PPP2R2D: variants seen among roughly 807,000 people sequenced by gnomAD.
PPP2R2D encodes the protein serine/threonine-protein phosphatase 2A 55 kDa regulatory subunit B delta isoform.
A neutral mutation model predicts 31.1 loss-of-function variants in PPP2R2D; 9 were observed. The ratio of observed to expected loss-of-function variants is 0.29; its 90% CI spans 0.17 to 0.51. The LOEUF (loss-of-function observed/expected upper bound fraction) is 0.51. Ranked by LOEUF, PPP2R2D falls within the 20% of genes least tolerant of loss-of-function variation. The pLI is 0.98. For synonymous variants in PPP2R2D, 179 were observed against 172.6 expected (o/e 1.04, Z -0.29); for missense variants, 391 against 465.6 (o/e 0.84, Z 1.48).
downstream of PPP2R2D, among the ~76,000 whole-genome samples, chr10:131,964,664 ATGTTTTT>A (rs2036957522): frequency 7.9e-6 from 1 of 126,752 alleles, no homozygotes; most frequent in South Asian, 2.5e-4. Flanking sequence ...AGAGTTTACT[ATGTTTTT>A]TTTTTTTTTT....
At chr10:131,936,974 G>A (rs1410301847) in intron 3 of PPP2R2D, among the ~76,000 whole-genome samples, 2 of 152,248 alleles carry the variant, frequency 1.3e-5, no homozygotes, top group African/African-American at 4.8e-5. Context: ...ATCCATGGCC[G>A]GAGGCCGCGG....
chr10:131,962,187 C>T (rs1041127385), downstream of PPP2R2D, among the ~76,000 whole-genome samples: 1 of 152,200 alleles, frequency 6.6e-6, no homozygotes, highest in Non-Finnish European at 1.5e-5. Context: ...GACACCAAAT[C>T]GAGCAGCGGG....
chr10:131,902,358 G>GC (rs1300508076), intron 2 of PPP2R2D, among the ~76,000 whole-genome samples: 23 of 151,768 alleles, frequency 1.5e-4, no homozygotes, highest in Admixed American at 1.1e-3. Flanking sequence ...CTCCATCTCG[G>GC]CCCCCCCAAC....
intron 8 of PPP2R2D, among the ~76,000 whole-genome samples, chr10:131,949,238 C>T (rs148034554): frequency 1.3e-5 from 2 of 152,262 alleles, no homozygotes; most frequent in Admixed American, 6.5e-5. Flanking sequence ...CACTTGAGGC[C>T]GTGGCTGATG....
intron 2 of PPP2R2D, among the ~76,000 whole-genome samples, chr10:131,924,593 G>T (rs372470173): frequency 4.0e-5 from 6 of 151,866 alleles, no homozygotes; most frequent in African/African-American, 1.5e-4. Flanking sequence ...TTTGAAATCA[G>T]GAAGTGTCAG....
intron 5 of PPP2R2D, 21 bp from the exon 6 acceptor site, chr10:131,943,946 TC>T (rs1327356619): frequency 1.3e-6 from 1 of 797,018 alleles, no homozygotes; most frequent in Non-Finnish European, 2.3e-6. Flanking sequence ...TGTTTTGAAT[TC>T]CTATTTCCTT....
intron 5 of PPP2R2D, among the ~76,000 whole-genome samples, chr10:131,942,922 A>G (rs1354400393): frequency 1.3e-5 from 2 of 152,162 alleles, no homozygotes; most frequent in East Asian, 3.9e-4. Flanking sequence ...AAATGAGGGA[A>G]GCCTCCCTAC....
chr10:131,929,205 G>T (rs917445736), intron 2 of PPP2R2D, among the ~76,000 whole-genome samples: 1 of 152,158 alleles, frequency 6.6e-6, no homozygotes, highest in East Asian at 1.9e-4. Flanking sequence ...CTGCTCAGGC[G>T]CCCCCTCCTG....
intron 8 of PPP2R2D, among the ~76,000 whole-genome samples, chr10:131,954,750 A>G (rs1554899645): frequency 6.6e-6 from 1 of 151,662 alleles, no homozygotes; most frequent in African/African-American, 2.4e-5. Flanking sequence ...CTTCTTTCTC[A>G]TGGCACCTTG....
At chr10:131,911,803 G>A (rs972078361) in intron 2 of PPP2R2D, 28 of 152,336 alleles carry the variant, frequency 1.8e-4, no homozygotes, top group Non-Finnish European at 3.5e-4. Context: ...CAAGCTATTA[G>A]CAGTAGGAGT....
chr10:131,921,079 A>C (rs2035977206), intron 2 of PPP2R2D, among the ~76,000 whole-genome samples: 1 of 152,186 alleles, frequency 6.6e-6, no homozygotes, highest in South Asian at 2.1e-4. Flanking sequence ...ATCATTTCCT[A>C]AAGTTTGAGA....
Position 131,947,685 on chromosome 10 carries a change from G to A in PPP2R2D, c.976G>A (p.Val326Met). 1 of 1,614,228 alleles carries A rather than the reference G, an allele frequency of 6.2e-7. No homozygotes were observed. Among genetic ancestry groups the A allele is most frequent in the Non-Finnish European group, 8.5e-7 (1 of 1,180,036 alleles). ...VWDLNMESRP[V>M]ETHQVHEYLR... is the part of the protein sequence containing the mutation. ...GGACCTCAACATGGAGAGCAGGCCG[G>A]TGGAGACCCACCAGGTCCACGAGTA... Residue 326 changes from valine (V) to methionine (M), a missense_variant, in exon 8 of 9, where the codon GTG becomes ATG. This residue lies in a region of PPP2R2D where 163 missense variants were observed against 179.5 expected (regional missense o/e 0.91). Transcript: ENST00000455566. This position sits in a 1 kb window ranked among gnomAD's most constrained non-coding sequence, Gnocchi z 4.3.
intron 3 of PPP2R2D, 43 bp from the exon 4 acceptor site, chr10:131,939,988 A>G (rs782413386): frequency 3.5e-6 from 2 of 576,326 alleles, no homozygotes; most frequent in Non-Finnish European, 6.4e-6. Flanking sequence ...TTTTCTCTAC[A>G]CTGTGCTTTG....
the PPP2R2D span, chr10:131,967,174 C>CT: frequency 6.6e-6 from 1 of 152,288 alleles, no homozygotes; most frequent in Non-Finnish European, 1.5e-5. Flanking sequence ...TGTGCCCGGC[C>CT]ATACAGGTGG....
chr10:131,934,755 C>CT, intron 3 of PPP2R2D, 200 bp downstream of exon 3: 2 of 591,302 alleles, frequency 3.4e-6, no homozygotes, highest in Non-Finnish European at 6.3e-6. Flanking sequence ...TCTCCAAGGC[C>CT]TTTGTCTTCA....
At chr10:131,916,197 G>A (rs1554893025) in intron 2 of PPP2R2D, among the ~76,000 whole-genome samples, 1 of 152,176 alleles carries the variant, frequency 6.6e-6, no homozygotes, top group African/African-American at 2.4e-5. Flanking sequence ...GGCTGTGGTG[G>A]AGGCGCACAC....
At chr10:131,907,673 G>C (rs1417134689) in intron 2 of PPP2R2D, among the ~76,000 whole-genome samples, 1 of 151,870 alleles carries the variant, frequency 6.6e-6, no homozygotes. Flanking sequence ...AACCCAGGAG[G>C]CGGAGCTTGC....
chr10:131,964,692 T>G (rs1333461398), downstream of PPP2R2D, among the ~76,000 whole-genome samples: 3 of 148,608 alleles, frequency 2.0e-5, no homozygotes, highest in Non-Finnish European at 4.5e-5. Flanking sequence ...TTTTGTCACT[T>G]TAACCTTGCA....
At chr10:131,932,557 C>T (rs567221666) in intron 2 of PPP2R2D, among the ~76,000 whole-genome samples, 64 of 147,624 alleles carry the variant, frequency 4.3e-4, no homozygotes, top group African/African-American at 1.6e-3. Flanking sequence ...ATCCCGGCGA[C>T]GCAGGAGGCT....
Sources: gnomAD v4.1 joint callset for allele counts (sites outside exome capture counted in the v4.1 genomes callset) on GRCh38, gnomAD v4.1.1 for gene constraint, gnomAD v4.1.1 regional missense constraint, Gnocchi (gnomAD v3.1) non-coding constraint, MANE v1.5 for transcripts, NCBI Gene and HGNC (gene_info 2026-07-23, HGNC 2026-07-21) for gene names.